Variants in CLNK observed in about 807,000 individuals in gnomAD.
CLNK encodes the protein cytokine-dependent hematopoietic cell linker.
Under a neutral mutation model 68.6 loss-of-function variants are expected in CLNK, and 74 were observed. The ratio of observed to expected loss-of-function variants is 1.08; its 90% CI spans 0.89 to 1.31. The LOEUF is 1.31. Ranked by LOEUF, CLNK falls within the 50% of genes most tolerant of loss-of-function variation. The pLI is 0.00. For missense variants in CLNK, 553 were observed against 515.3 expected, an observed-to-expected ratio of 1.07 and a Z score of -0.71; for synonymous variants, 198 against 172.2, an observed-to-expected ratio of 1.15 and a Z score of -1.17.
chr4:10,497,266 T>TA (rs2109020925), intron 18 of CLNK, among the ~76,000 whole-genome samples: 1 of 152,322 alleles, frequency 6.6e-6, no homozygotes, highest in South Asian at 2.1e-4. Context: ...CCAGTGCATA[T>TA]AAAACCCCAC....
At chr4:10,651,521 G>A (rs1424532287) in intron 2 of CLNK, among the ~76,000 whole-genome samples, 3 of 152,066 alleles carry the variant, frequency 2.0e-5, no homozygotes, top group African/African-American at 7.2e-5. Flanking sequence ...ACACAGGGAG[G>A]GGAACATCAC....
chr4:10,668,057 A>T (rs1724477787), intron 1 of CLNK, 146 bp from the exon 2 acceptor site: 1 of 454,724 alleles, frequency 2.2e-6, no homozygotes, highest in African/African-American at 2.0e-5. Context: ...CAGGTCAAGA[A>T]TTGGCTTATT....
intron 2 of CLNK, among the ~76,000 whole-genome samples, chr4:10,620,313 C>G (rs947160988): frequency 6.6e-6 from 1 of 152,194 alleles, no homozygotes; most frequent in East Asian, 1.9e-4. Flanking sequence ...CATTTGGAAC[C>G]CATTGCTTTG....
At chr4:10,627,619 A>G (rs1722725050) in intron 2 of CLNK, among the ~76,000 whole-genome samples, 1 of 152,096 alleles carries the variant, frequency 6.6e-6, no homozygotes, top group South Asian at 2.1e-4. Flanking sequence ...AGGGACAGAG[A>G]GAGACAGGGT....
chr4:10,517,707 A>T (rs1015483470), intron 15 of CLNK, among the ~76,000 whole-genome samples: 1 of 152,216 alleles, frequency 6.6e-6, no homozygotes, highest in African/African-American at 2.4e-5. Context: ...TGAATTTTTC[A>T]TGATATTGTG....
At position 10,490,419 on chromosome 4, in the gene CLNK, C is replaced by G. The variant is rs1340411952; in HGVS notation, c.*48G>C. 6.3e-7 allele frequency: 1 copy of G among 1,582,082 alleles called. No individual in the cohort carries two copies. Among genetic ancestry groups the G allele is most frequent in the African/African-American group, 1.4e-5 (1 of 73,314 alleles). On this transcript the variant is annotated 3_prime_UTR_variant, in exon 19 of 19. Transcript: ENST00000226951. ...AATAAACTTTTGAAATCAATGAAAA[C>G]AATGGAAGCGCTGAATCCAGTAAAC... is the stretch of plus-strand genomic sequence containing the variant.
chr4:10,564,816 G>A, intron 6 of CLNK, 39 bp from the exon 7 acceptor site: 1 of 1,200,004 alleles, frequency 8.3e-7, no homozygotes, highest in East Asian at 2.3e-5. Flanking sequence ...TACCTTACGT[G>A]GACTCAGCAC....
chr4:10,498,393 G>C (rs1716899977), intron 18 of CLNK, among the ~76,000 whole-genome samples: 2 of 152,238 alleles, frequency 1.3e-5, no homozygotes, highest in Admixed American at 1.3e-4. Flanking sequence ...TCGGGAGGCT[G>C]AGGCAGGAGG....
At chr4:10,606,431 T>C (rs1273954159) in intron 2 of CLNK, among the ~76,000 whole-genome samples, 1 of 143,052 alleles carries the variant, frequency 7.0e-6, no homozygotes, top group Non-Finnish European at 1.5e-5. Flanking sequence ...TACAGTTAAC[T>C]TTTTTTTTTT....
chr4:10,649,916 T>G (rs998058990), intron 2 of CLNK, among the ~76,000 whole-genome samples: 1 of 151,494 alleles, frequency 6.6e-6, no homozygotes, highest in Non-Finnish European at 1.5e-5. Context: ...AGCAGCAAAG[T>G]GAGAACTAGA....
intron 2 of CLNK, among the ~76,000 whole-genome samples, chr4:10,603,151 C>T (rs1560237245): frequency 1.3e-5 from 2 of 152,228 alleles, no homozygotes; most frequent in South Asian, 2.1e-4. Flanking sequence ...AGCTTAAGTT[C>T]TGACTTTTCC....
chr4:10,518,007 AT>A (rs35325652), intron 15 of CLNK, among the ~76,000 whole-genome samples: 145,147 of 147,388 alleles, frequency 0.98, 71,490 homozygotes, highest in Non-Finnish European at 1. Context: ...AATCTTTGGA[AT>A]TTTTTTTTTT....
Position 10,520,814 on chromosome 4 carries a change from C to T in CLNK, c.749G>A (p.Ser250Asn), listed in dbSNP as rs1718029722. 5 of 1,606,870 alleles carry T rather than the reference C, an allele frequency of 3.1e-6. No individual in the cohort carries two copies. The highest frequency in any genetic ancestry group is 4.3e-6 in the Non-Finnish European group (5 of 1,175,326). Residue 250 changes from serine (S) to asparagine (N), a missense_variant, in exon 15 of 19, where the codon AGC becomes AAC. Coordinates refer to ENST00000226951, the MANE Select transcript of CLNK (RefSeq NM_052964.4). ...LAISSSSFTT[S>N]NHSVQNRDHR... ...ACCTCTGTTTTGCACACTGTGGTTG[C>T]TTGTCGTGAATGAAGAACTATAAGA...
intron 11 of CLNK, among the ~76,000 whole-genome samples, chr4:10,535,552 C>T (rs1402499844): frequency 6.6e-6 from 1 of 152,130 alleles, no homozygotes; most frequent in Non-Finnish European, 1.5e-5. Flanking sequence ...ATTACTCTTG[C>T]TGTTACTCAG....
intron 2 of CLNK, among the ~76,000 whole-genome samples, chr4:10,638,623 T>C (rs1055763907): frequency 5.3e-5 from 8 of 152,246 alleles, no homozygotes; most frequent in Non-Finnish European, 7.3e-5. Flanking sequence ...GGTGTTACTA[T>C]GATTGTCATT....
chr4:10,627,514 T>C (rs189761245), intron 2 of CLNK, among the ~76,000 whole-genome samples: 1 of 152,284 alleles, frequency 6.6e-6, no homozygotes, highest in East Asian at 1.9e-4. Context: ...TCTGATTCAT[T>C]GATCCAAACA....
At chr4:10,540,268 T>C (rs1160108476) in intron 11 of CLNK, among the ~76,000 whole-genome samples, 1 of 152,212 alleles carries the variant, frequency 6.6e-6, no homozygotes, top group Non-Finnish European at 1.5e-5. Context: ...CCCTCCACCA[T>C]GATTGTAAGT....
chr4:10,666,342 AT>A (rs1191080388), intron 2 of CLNK, among the ~76,000 whole-genome samples: 1 of 152,186 alleles, frequency 6.6e-6, no homozygotes, highest in Non-Finnish European at 1.5e-5. Context: ...CAATTTGTCT[AT>A]CCTATAATGA....
the CLNK span, among the ~76,000 whole-genome samples, chr4:10,704,638 C>T: frequency 1.3e-5 from 2 of 152,084 alleles, no homozygotes; most frequent in Admixed American, 6.5e-5. Flanking sequence ...CCTCTAGGCC[C>T]AGGACATGGC....
Sources: allele counts gnomAD v4.1 joint callset (sites outside exome capture counted in the v4.1 genomes callset), GRCh38; gene constraint gnomAD v4.1.1; transcripts MANE v1.5; gene names NCBI Gene and HGNC (gene_info 2026-07-23, HGNC 2026-07-21).